The following ERMAP variants were observed in gnomAD, a reference collection of about 807,000 sequenced individuals.
ERMAP encodes erythroid membrane-associated protein.
ERMAP carries 34 observed loss-of-function variants against 49.5 expected under a neutral mutation model. The ratio of observed to expected loss-of-function variants is 0.69; its 90% CI spans 0.52 to 0.91. The LOEUF is 0.91. ERMAP is among the 40% of genes least tolerant of loss of function. The pLI is 0.00. For missense variants in ERMAP, 541 were observed against 582.6 expected (o/e 0.93, Z 0.74); for synonymous variants, 214 against 232.2 (o/e 0.92, Z 0.71).
chr1:42,829,339 C>T (rs1191363715), intron 2 of ERMAP, among the ~76,000 whole-genome samples: 1 of 152,172 alleles, frequency 6.6e-6, no homozygotes, highest in Non-Finnish European at 1.5e-5. Context: ...CTTTGACACC[C>T]CCTCCGTGTG....
intron 1 of ERMAP, among the ~76,000 whole-genome samples, chr1:42,823,569 C>G (rs1192859869): frequency 2.6e-5 from 4 of 152,270 alleles, no homozygotes; most frequent in African/African-American, 9.6e-5. Context: ...AAAATGCCTG[C>G]CAAATACCCA....
At chr1:42,831,526 A>G (rs1167161170) in intron 4 of ERMAP, among the ~76,000 whole-genome samples, 1 of 151,064 alleles carries the variant, frequency 6.6e-6, no homozygotes, top group African/African-American at 2.4e-5. Context: ...GTTCCTGAGA[A>G]AGTAAAGGGT....
At chr1:42,836,177 TTAAA>T (rs1303929184) in intron 6 of ERMAP, among the ~76,000 whole-genome samples, 2 of 151,882 alleles carry the variant, frequency 1.3e-5, no homozygotes, top group Non-Finnish European at 2.9e-5. Context: ...ATGAGATGAA[TTAAA>T]TAGTTAACAC....
In ERMAP at chr1:42,830,062, A is replaced by G. The variant is rs1654669779; in HGVS notation, c.-5-382A>G. The G allele has an allele frequency of 2.3e-5, 4 of 175,114 alleles. No homozygotes were observed. The South Asian group carries it at 4.2e-4, about 19-fold the overall frequency. The allele number at this position is 175,114 out of a possible 1,614,324, so 10.8% of individuals were successfully genotyped here. A position where few individuals can be genotyped will look rare whatever the true frequency, so the allele number is the denominator to read the frequency against. ...GCCTTGGACACCAACTGTAAAAAAA[A>G]GGCCATTACTGGTGTTTCCTTGGTT... is the stretch of plus-strand genomic sequence containing the variant. On this transcript the variant is annotated intron_variant, in intron 2 of 11. Transcript: ENST00000372517.
intron 1 of ERMAP, among the ~76,000 whole-genome samples, chr1:42,825,101 T>C (rs6691307): frequency 0.019 from 2,820 of 152,358 alleles, 92 homozygotes; most frequent in African/African-American, 0.064. Flanking sequence ...TAATGTATTG[T>C]TAATGATATA....
In ERMAP at chr1:42,819,170, C is replaced by CGT. The variant is rs145113385; in HGVS notation, c.-122+1953_-122+1954dup. On this transcript the variant is annotated intron_variant, in intron 1 of 11. Coordinates refer to ENST00000372517, the MANE Select transcript of ERMAP (RefSeq NM_001017922.2). The surrounding 1 kb of genome is among the most constrained non-coding windows in gnomAD (Gnocchi z 5.1). The stretch of plus-strand genomic sequence containing the variant: ...GGTGAGGAAGAGGATAAGTTAGGAG[C>CGT]GTGTGTGTGTGTGTGTGTGTGTGTG... Among the ~76,000 whole-genome samples the CGT allele has an allele frequency of 0.15, 21,670 of 142,418 alleles. 1,867 individuals carry two copies. The highest frequency in any genetic ancestry group is 0.3 in the Middle Eastern group (84 of 284). 93.4% of individuals were successfully genotyped at this position (142,418 alleles called of 152,430 possible).
chr1:42,834,951 G>A, intron 4 of ERMAP, 87 bp from the exon 5 acceptor site: 1 of 753,362 alleles, frequency 1.3e-6, no homozygotes, highest in South Asian at 1.4e-5. Context: ...AGAGTGTTGG[G>A]ATGTGCTGGA....
In ERMAP at chr1:42,835,082, G is replaced by C; in HGVS notation, c.478G>C (p.Val160Leu). ...SLSPSAVALAVILPVLVLLIM... is the reference protein window; with the variant it reads ...SLSPSAVALALILPVLVLLIM... Reference sequence around the variant, plus strand: ...CTCCCCCTCAGCAGTGGCTCTGGCTGTGATCCTGCCTGTCCTGGTACTTCT... The same window carrying C: ...CTCCCCCTCAGCAGTGGCTCTGGCTCTGATCCTGCCTGTCCTGGTACTTCT... Residue 160 changes from valine (V) to leucine (L), a missense_variant, in exon 5 of 12, where the codon GTG (valine) becomes CTG (leucine). Transcript: ENST00000372517. The C allele has an allele frequency of 6.3e-7, 1 of 1,586,324 alleles. No homozygotes were observed.
rs1655097086 is a variant in ERMAP, at chr1:42,842,754, AG to A, written c.954del (p.Lys319ArgfsTer56). On this transcript the variant is annotated frameshift_variant, in exon 12 of 12. Coordinates refer to ENST00000372517, the MANE Select transcript of ERMAP (RefSeq NM_001017922.2). LOFTEE classifies it high-confidence loss of function. ...GTATGTAGTGAGTCAGTGAGCAGGA[AG>A]GGGAAGGTTACTGCCTCACCTGCCA... ...LGVCSESVSR[K>X]GKVTASPANG... The A allele has an allele frequency of 6.2e-7, 1 of 1,614,046 alleles. No homozygotes were observed. The highest frequency in any genetic ancestry group is 1.7e-5 in the Admixed American group (1 of 60,000).
At chr1:42,828,414 C>A (rs1044877396) in intron 2 of ERMAP, among the ~76,000 whole-genome samples, 3 of 152,108 alleles carry the variant, frequency 2.0e-5, no homozygotes, top group African/African-American at 7.2e-5. Flanking sequence ...AGTAAACTAA[C>A]CTGTCTAAGG....
intron 8 of ERMAP, chr1:42,839,216 T>C (rs1654988027): frequency 1.5e-5 from 8 of 527,032 alleles, no homozygotes; most frequent in Middle Eastern, 5.2e-4. Flanking sequence ...AGGCATGACA[T>C]TTCCTTAGAT....
In ERMAP at chr1:42,842,746, G is replaced by C; in HGVS notation, c.942G>C (p.Val314=). 1 of 1,614,152 alleles carries C rather than the reference G, an allele frequency of 6.2e-7. No individual in the cohort carries two copies. ...KWILGVCSES[V]SRKGKVTASP... ...TTCTTGGAGTATGTAGTGAGTCAGT[G>C]AGCAGGAAGGGGAAGGTTACTGCCT... The change falls in exon 12 of 12, where the codon GTG becomes GTC. Residue 314 remains valine (V), a synonymous_variant. Coordinates refer to ENST00000372517, the MANE Select transcript of ERMAP (RefSeq NM_001017922.2).
chr1:42,833,694 C>T (rs1246460126), intron 4 of ERMAP, among the ~76,000 whole-genome samples: 1 of 151,912 alleles, frequency 6.6e-6, no homozygotes, highest in African/African-American at 2.4e-5. Context: ...ATTAATGGGT[C>T]CAAGGGTTCA....
At position 42,842,580 on chromosome 1, in the gene ERMAP, G is replaced by A. The variant is rs1655087871; in HGVS notation, c.776G>A (p.Cys259Tyr). ...PKLILSEDQR[C>Y]VRLGDRRQPV... ...CTCATCCTTTCTGAGGACCAAAGAT[G>A]TGTAAGGCTTGGAGACAGACGGCAG... Residue 259 changes from cysteine (C) to tyrosine (Y), a missense_variant, in exon 12 of 12, where the codon TGT becomes TAT. Physicochemically the swap from Cys to Tyr is radical, Grantham distance 194. Transcript: ENST00000372517. 1 of 1,614,232 alleles carries A rather than the reference G, an allele frequency of 6.2e-7. No individual in the cohort carries two copies.
At chr1:42,830,615 T>C in intron 3 of ERMAP, 82 bp downstream of exon 3, 1 of 1,533,786 alleles carries the variant, frequency 6.5e-7, no homozygotes, top group Non-Finnish European at 9.0e-7. Context: ...CTGGAAACAT[T>C]ATGTCTTTTG....
intron 1 of ERMAP, 70 bp downstream of exon 1, chr1:42,817,323 C>T (rs910121413): frequency 5.5e-5 from 61 of 1,104,396 alleles, no homozygotes; most frequent in Non-Finnish European, 6.6e-5. Flanking sequence ...CTGGGCGGGG[C>T]CGCGCGCCGG....
chr1:42,835,079 G>GCTGTGATC lies in ERMAP; in HGVS notation c.479_486dup (p.Pro163Ter), dbSNP rs762966689. The stretch of plus-strand genomic sequence containing the variant: ...TCTCTCCCCCTCAGCAGTGGCTCTG[G>GCTGTGATC]CTGTGATCCTGCCTGTCCTGGTACT... On this transcript the variant is annotated frameshift_variant, in exon 5 of 12. Coordinates refer to ENST00000372517, the MANE Select transcript of ERMAP (RefSeq NM_001017922.2). LOFTEE classifies it high-confidence loss of function. The GCTGTGATC allele has an allele frequency of 1.5e-5, 24 of 1,582,064 alleles. No homozygotes were observed. The highest frequency in any genetic ancestry group is 1.7e-4 in the Middle Eastern group (1 of 6,026).
At chr1:42,830,239 C>T in intron 2 of ERMAP, 1 of 582,646 alleles carries the variant, frequency 1.7e-6, no homozygotes, top group Non-Finnish European at 3.1e-6. Flanking sequence ...AGTTCTTTTA[C>T]CCATTTTGAA....
In ERMAP at chr1:42,842,642, G is replaced by A. The variant is rs1000526226; in HGVS notation, c.838G>A (p.Val280Ile). Residue 280 changes from valine to isoleucine, a missense_variant, in exon 12 of 12, where the codon GTC becomes ATC. Physicochemically the swap from Val to Ile is conservative, Grantham distance 29. Coordinates refer to ENST00000372517, the MANE Select transcript of ERMAP (RefSeq NM_001017922.2). ...PDNPQRFDFV[V>I]SILGSEYFTT... ...CAACCCCCAGAGATTTGATTTCGTT[G>A]TCAGCATCCTAGGCTCTGAGTACTT... The A allele has an allele frequency of 3.1e-6, 5 of 1,614,062 alleles. No homozygotes were observed. In the African/African-American group the frequency reaches 6.7e-5, roughly 22 times the overall value.
Sources: gnomAD v4.1 joint callset for allele counts (sites outside exome capture counted in the v4.1 genomes callset) on GRCh38, gnomAD v4.1.1 for gene constraint, Gnocchi (gnomAD v3.1) non-coding constraint, MANE v1.5 for transcripts, NCBI Gene and HGNC (gene_info 2026-07-23, HGNC 2026-07-21) for gene names.